ANO10: variants seen among roughly 807,000 people sequenced by gnomAD.
ANO10 encodes the protein anoctamin 10.
A neutral mutation model predicts 74.7 loss-of-function variants in ANO10; 77 were observed. The observed-to-expected ratio is 1.03, with a 90% CI of 0.86 to 1.25. ANO10 has a LOEUF of 1.25. ANO10 is among the 50% of genes most tolerant of loss of function. The pLI is 0.00. For missense variants in ANO10, 721 were observed against 778.1 expected (o/e 0.93, Z 0.87); for synonymous variants, 279 against 284.9 (o/e 0.98, Z 0.21).
intron 1 of ANO10, among the ~76,000 whole-genome samples, chr3:43,629,504 AT>A: frequency 6.6e-6 from 1 of 152,322 alleles, no homozygotes; most frequent in Middle Eastern, 3.4e-3. Flanking sequence ...AGAATTAAAT[AT>A]TAACAGAATC....
At chr3:43,382,518 CAAA>C (rs71616090) in intron 12 of ANO10, among the ~76,000 whole-genome samples, 3 of 92,746 alleles carry the variant, frequency 3.2e-5, no homozygotes, top group African/African-American at 4.6e-5. Flanking sequence ...GACTCCGTCT[CAAA>C]AAAAAAAAAA....
chr3:43,489,824 T>G (rs1413948604), intron 11 of ANO10, among the ~76,000 whole-genome samples: 1 of 152,054 alleles, frequency 6.6e-6, no homozygotes, highest in East Asian at 1.9e-4. Context: ...GGGTAAAATT[T>G]AAAACCTGTT....
At chr3:43,660,935 C>G (rs1053319226) in intron 1 of ANO10, among the ~76,000 whole-genome samples, 1 of 152,148 alleles carries the variant, frequency 6.6e-6, no homozygotes, top group Non-Finnish European at 1.5e-5. Flanking sequence ...GCCTGGGCAA[C>G]AAGGGTGAAA....
chr3:43,576,201 T>C (rs1371796612), intron 6 of ANO10, among the ~76,000 whole-genome samples: 1 of 152,082 alleles, frequency 6.6e-6, no homozygotes, highest in Admixed American at 6.5e-5. Flanking sequence ...CAGCTGAGTA[T>C]CATGAAGACA....
chr3:43,670,262 T>G (rs1364307333), intron 1 of ANO10, among the ~76,000 whole-genome samples: 2 of 151,968 alleles, frequency 1.3e-5, no homozygotes, highest in East Asian at 3.9e-4. Flanking sequence ...CTCAGGAGGC[T>G]GAGGTGGGAG....
chr3:43,691,304 C>A, intron 1 of ANO10: 1 of 322,992 alleles, frequency 3.1e-6, no homozygotes, highest in Admixed American at 4.9e-5. Context: ...TGACCCCGCG[C>A]GGAGGGTCCG....
chr3:43,458,189 C>A (rs1162485691), intron 11 of ANO10, among the ~76,000 whole-genome samples: 3 of 152,076 alleles, frequency 2.0e-5, no homozygotes, highest in African/African-American at 4.8e-5. Flanking sequence ...ATTATTAAAA[C>A]CCTGAAGGCT....
intron 1 of ANO10, among the ~76,000 whole-genome samples, chr3:43,619,314 T>C (rs927994764): frequency 1.3e-5 from 2 of 152,176 alleles, no homozygotes; most frequent in Non-Finnish European, 2.9e-5. Context: ...CTAAATACAG[T>C]GTAGGATCTC....
intron 11 of ANO10, among the ~76,000 whole-genome samples, chr3:43,474,011 A>T (rs533006361): frequency 6.6e-6 from 1 of 152,354 alleles, no homozygotes; most frequent in African/African-American, 2.4e-5. Flanking sequence ...ATGTGTATAC[A>T]GTTTTGGAAT....
chr3:43,616,659 C>A (rs986036722), intron 1 of ANO10, among the ~76,000 whole-genome samples: 37 of 152,242 alleles, frequency 2.4e-4, no homozygotes, highest in Admixed American at 1.1e-3. Context: ...GTGACACGGT[C>A]CACAGTAAGA....
chr3:43,430,063 G>A (rs555757599), intron 12 of ANO10, among the ~76,000 whole-genome samples: 12 of 152,224 alleles, frequency 7.9e-5, no homozygotes, highest in African/African-American at 2.4e-4. Flanking sequence ...TAGAACATGC[G>A]AAATGTGGTA....
intron 1 of ANO10, chr3:43,690,892 TG>T: frequency 7.6e-7 from 1 of 1,321,838 alleles, no homozygotes; most frequent in Non-Finnish European, 1.0e-6. Flanking sequence ...ACGCATGCGC[TG>T]GCGGCCTGCG....
chr3:43,527,637 C>A (rs938917283), intron 11 of ANO10, among the ~76,000 whole-genome samples: 5 of 152,202 alleles, frequency 3.3e-5, no homozygotes, highest in African/African-American at 1.2e-4. Flanking sequence ...ATGGCATGAA[C>A]TTCGTGTTAC....
chr3:43,475,242 A>T (rs116248506), intron 11 of ANO10, among the ~76,000 whole-genome samples: 1 of 152,184 alleles, frequency 6.6e-6, no homozygotes, highest in Non-Finnish European at 1.5e-5. Flanking sequence ...AATGTTGGAC[A>T]TATAGCTCCT....
chr3:43,619,362 AT>A (rs2083273686), intron 1 of ANO10, among the ~76,000 whole-genome samples: 2 of 152,184 alleles, frequency 1.3e-5, no homozygotes, highest in African/African-American at 4.8e-5. Flanking sequence ...AATTAGTGAA[AT>A]TTGAATAAGG....
At chr3:43,394,598 G>C (rs994702788) in intron 12 of ANO10, among the ~76,000 whole-genome samples, 1 of 152,130 alleles carries the variant, frequency 6.6e-6, no homozygotes, top group African/African-American at 2.4e-5. Flanking sequence ...CAACAACAAC[G>C]CCCTTACACT....
At chr3:43,571,872 A>G (rs1450097974) in intron 7 of ANO10, among the ~76,000 whole-genome samples, 1 of 151,912 alleles carries the variant, frequency 6.6e-6, no homozygotes, top group African/African-American at 2.4e-5. Flanking sequence ...TAAAAAAAAA[A>G]AAAAAAGAAA....
At chr3:43,662,465 C>G (rs552962237) in intron 1 of ANO10, among the ~76,000 whole-genome samples, 3 of 152,128 alleles carry the variant, frequency 2.0e-5, no homozygotes, top group African/African-American at 7.2e-5. Flanking sequence ...CAAGAGAGAT[C>G]TAAAATCAAC....
chr3:43,667,954 C>G (rs1205127223), intron 1 of ANO10, among the ~76,000 whole-genome samples: 2 of 152,090 alleles, frequency 1.3e-5, no homozygotes, highest in African/African-American at 4.8e-5. Context: ...GGTAGATACC[C>G]AGTAGTGGGA....
Sources: gnomAD v4.1 joint callset for allele counts (sites outside exome capture counted in the v4.1 genomes callset) on GRCh38, gnomAD v4.1.1 for gene constraint, MANE v1.5 for transcripts, NCBI Gene and HGNC (gene_info 2026-07-23, HGNC 2026-07-21) for gene names.